The following SHISAL1 variants were observed in gnomAD, a reference collection of about 807,000 sequenced individuals.
SHISAL1 encodes shisa like 1.
SHISAL1 carries 9 observed loss-of-function variants against 22.6 expected under a neutral mutation model. The ratio of observed to expected loss-of-function variants is 0.40; its 90% CI spans 0.24 to 0.70. The LOEUF is 0.70. Among genes scored for constraint, SHISAL1 ranks in the 30% least tolerant of loss-of-function variants. SHISAL1 has a pLI of 0.39. For synonymous variants in SHISAL1, 119 were observed against 115.4 expected (o/e 1.03, Z -0.20); for missense variants, 246 against 270.6 (o/e 0.91, Z 0.64).
At chr22:44,299,070 T>C (rs2055407898) in intron 2 of SHISAL1, among the ~76,000 whole-genome samples, 1 of 152,118 alleles carries the variant, frequency 6.6e-6, no homozygotes, top group Non-Finnish European at 1.5e-5. Flanking sequence ...GAGCGTTTTG[T>C]AAACAGCAAG....
At chr22:44,282,960 G>T (rs544133746) in intron 4 of SHISAL1, among the ~76,000 whole-genome samples, 3 of 152,338 alleles carry the variant, frequency 2.0e-5, no homozygotes, top group Admixed American at 2.0e-4. Context: ...GAGCTATAAT[G>T]CTGGAGATGT....
rs1391407714 is a variant in SHISAL1 at position 44,291,095 on chromosome 22, C to G, written c.282-5350G>C. Among the ~76,000 whole-genome samples the G allele has an allele frequency of 3.3e-5, 5 of 152,178 alleles. No individual in the cohort carries two copies. The South Asian group carries it at 6.2e-4, about 19-fold the overall frequency. ...CGTGCTTTGGCCAATAAAACATGAG[C>G]AAAAATGCTGTGGCCACTTCTGAGC... is the stretch of plus-strand genomic sequence containing the variant. On this transcript the variant is annotated intron_variant, in intron 3 of 4. Transcript: ENST00000381176.
chr22:44,315,013 C>T (rs557375564), upstream of SHISAL1, among the ~76,000 whole-genome samples: 2 of 152,282 alleles, frequency 1.3e-5, no homozygotes, highest in African/African-American at 2.4e-5. Context: ...CTGGCTATAG[C>T]AAGGCATACA....
chr22:44,305,212 T>C (rs1019253900), intron 1 of SHISAL1, among the ~76,000 whole-genome samples: 12 of 152,236 alleles, frequency 7.9e-5, no homozygotes, highest in African/African-American at 1.2e-4. Flanking sequence ...AATTCATTTA[T>C]CCATTCACTT....
chr22:44,265,384 G>A (rs751593976), intron 4 of SHISAL1, among the ~76,000 whole-genome samples: 71 of 152,228 alleles, frequency 4.7e-4, no homozygotes, highest in Non-Finnish European at 6.2e-4. Context: ...ACCCTGTGGA[G>A]AGGCCCACCT....
chr22:44,252,534 A>T (rs913180698), intron 4 of SHISAL1, among the ~76,000 whole-genome samples: 8 of 152,088 alleles, frequency 5.3e-5, no homozygotes, highest in Admixed American at 2.6e-4. Context: ...CCACAAAACT[A>T]TAAAAGCAGA....
chr22:44,262,692 G>T (rs2055133268), intron 4 of SHISAL1, among the ~76,000 whole-genome samples: 1 of 152,238 alleles, frequency 6.6e-6, no homozygotes, highest in Admixed American at 6.5e-5. Flanking sequence ...GCCTGGGCAG[G>T]CTGGGGAGTA....
rs1452974775 is a variant in SHISAL1 at position 44,246,928 on chromosome 22, A to T, written c.*2757T>A. 6.6e-6 allele frequency: 1 copy of T among 151,598 alleles called. No homozygotes were observed. The highest frequency in any genetic ancestry group is 1.9e-4 in the East Asian group (1 of 5,170). 9.4% of individuals were successfully genotyped at this position (151,598 alleles called of 1,614,324 possible). A position where few individuals can be genotyped will look rare whatever the true frequency, so the allele number is the denominator to read the frequency against. On this transcript the variant is annotated 3_prime_UTR_variant, in exon 5 of 5. Coordinates refer to ENST00000381176, the MANE Select transcript of SHISAL1 (RefSeq NM_001099294.2). ...CACAGAATGTTCCAGTCCTCAGCCC[A>T]GCTGCCCAAGAGGGACTTGGCAGAG...
rs1473637796 is a variant in SHISAL1 at position 44,300,734 on chromosome 22, G to A, written c.67+145C>T. 5 of 661,842 alleles carry A rather than the reference G, an allele frequency of 7.6e-6. No homozygotes were observed. In the East Asian group the frequency reaches 1.4e-4, roughly 18 times the overall value. 41.0% of individuals were successfully genotyped at this position (661,842 alleles called of 1,614,324 possible). A position where few individuals can be genotyped will look rare whatever the true frequency, so the allele number is the denominator to read the frequency against. The stretch of plus-strand genomic sequence containing the variant: ...AACCACACAGCAACCAACATCAGCT[G>A]CTCACCAGAGGGGTGCCAGTAAGGT... On this transcript the variant is annotated intron_variant, in intron 2 of 4. Coordinates refer to ENST00000381176, the MANE Select transcript of SHISAL1 (RefSeq NM_001099294.2).
In SHISAL1 at chr22:44,287,206, G is replaced by A. The variant is rs149500263; in HGVS notation, c.282-1461C>T. 7.8e-4 allele frequency among the ~76,000 whole-genome samples: 119 copies of A among 152,300 alleles called. 1 individual carries two copies. In the East Asian group the frequency reaches 0.02, roughly 25 times the overall value. On this transcript the variant is annotated intron_variant, in intron 3 of 4. Transcript: ENST00000381176. ...TGAGCATGAGGCCTCTCCCAGTCTC[G>A]ACTTCCAGGCTCCAGATCTTCCCAG...
chr22:44,272,529 T>G (rs1222469568), intron 4 of SHISAL1, among the ~76,000 whole-genome samples: 2 of 152,212 alleles, frequency 1.3e-5, no homozygotes, highest in African/African-American at 4.8e-5. Context: ...GCTGCATCCA[T>G]GCAACAAACA....
At chr22:44,317,309 G>C (rs113805697), upstream of SHISAL1, among the ~76,000 whole-genome samples, 1 of 152,218 alleles carries the variant, frequency 6.6e-6, no homozygotes, top group South Asian at 2.1e-4. Context: ...CAGCCACACC[G>C]GCCCGCAGCA....
chr22:44,296,647 G>C, intron 3 of SHISAL1, 25 bp downstream of exon 3: 3 of 1,608,506 alleles, frequency 1.9e-6, no homozygotes, highest in Non-Finnish European at 2.6e-6. Context: ...AGGCAGTGGG[G>C]TTGCACCCCC....
intron 4 of SHISAL1, among the ~76,000 whole-genome samples, chr22:44,275,147 G>A (rs887277157): frequency 7.2e-5 from 11 of 152,174 alleles, no homozygotes; most frequent in African/African-American, 2.4e-4. Context: ...TGTTCTGCCG[G>A]GCCCTCCTCT....
At chr22:44,309,373 C>G (rs1425850931) in intron 1 of SHISAL1, among the ~76,000 whole-genome samples, 2 of 152,144 alleles carry the variant, frequency 1.3e-5, no homozygotes, top group Non-Finnish European at 2.9e-5. Context: ...TCTCTGGAGC[C>G]CCACCAACAG....
chr22:44,254,920 C>T (rs1393838854), intron 4 of SHISAL1, among the ~76,000 whole-genome samples: 4 of 152,188 alleles, frequency 2.6e-5, no homozygotes, highest in Admixed American at 2.6e-4. Context: ...TTGCCCTTGT[C>T]AGGGTCACCA....
At chr22:44,286,065 C>G (rs1334420601) in intron 3 of SHISAL1, among the ~76,000 whole-genome samples, 2 of 152,316 alleles carry the variant, frequency 1.3e-5, no homozygotes, top group Middle Eastern at 6.8e-3. Flanking sequence ...TCTGGGGCTC[C>G]CAGGACATGG....
At chr22:44,317,215 C>T (rs978343975), upstream of SHISAL1, among the ~76,000 whole-genome samples, 2 of 152,184 alleles carry the variant, frequency 1.3e-5, no homozygotes, top group African/African-American at 4.8e-5. Flanking sequence ...TGGGCGGGTG[C>T]GATTCAGCTC....
intron 3 of SHISAL1, among the ~76,000 whole-genome samples, chr22:44,290,991 C>T (rs58205971): frequency 0.034 from 5,134 of 152,286 alleles, 274 homozygotes; most frequent in African/African-American, 0.12. Flanking sequence ...AATACCACTG[C>T]GCCTGGCTGA....
Sources: gnomAD v4.1 joint callset for allele counts (sites outside exome capture counted in the v4.1 genomes callset) on GRCh38, gnomAD v4.1.1 for gene constraint, MANE v1.5 for transcripts, NCBI Gene and HGNC (gene_info 2026-07-23, HGNC 2026-07-21) for gene names.